SLC35E4: variants seen among roughly 807,000 people sequenced by gnomAD.
SLC35E4 encodes solute carrier family 35, member E4.
Under a neutral mutation model 19.3 loss-of-function variants are expected in SLC35E4, and 15 were observed. The ratio of observed to expected loss-of-function variants is 0.78; its 90% CI spans 0.52 to 1.20. The LOEUF is 1.20. Ranked by LOEUF, SLC35E4 falls within the 50% of genes most tolerant of loss-of-function variation. The pLI is 0.00. For missense variants in SLC35E4, 406 were observed against 472.3 expected, an observed-to-expected ratio of 0.86 and a Z score of 1.30; for synonymous variants, 219 against 219.9, an observed-to-expected ratio of 1.00 and a Z score of 0.04.
chr22:30,639,604 C>G (rs1367123495), intron 1 of SLC35E4, among the ~76,000 whole-genome samples: 1 of 152,120 alleles, frequency 6.6e-6, no homozygotes, highest in East Asian at 1.9e-4. Flanking sequence ...ATTTTAGAGG[C>G]CTACCCTCAG....
At position 30,636,844 on chromosome 22, in the gene SLC35E4, C is replaced by T. The variant is rs996041648; in HGVS notation, c.394C>T (p.Pro132Ser). ...ACGNVGLRAV[P>S]LDLAQLVTTT... ...CGGCAACGTGGGCCTAAGGGCTGTG[C>T]CCCTGGACCTGGCACAACTGGTTAC... Residue 132 changes from proline (P) to serine (S), a missense_variant, in exon 1 of 2, where the codon CCC becomes TCC. Pro to Ser is a moderately conservative substitution (Grantham distance 74). Coordinates refer to ENST00000343605, the MANE Select transcript of SLC35E4 (RefSeq NM_001001479.4). 1 of 1,612,956 alleles carries T rather than the reference C, an allele frequency of 6.2e-7. No homozygotes were observed. Among genetic ancestry groups the T allele is most frequent in the Non-Finnish European group, 8.5e-7 (1 of 1,179,552 alleles).
downstream of SLC35E4, chr22:30,663,370 G>C: frequency 6.9e-7 from 1 of 1,453,714 alleles, no homozygotes; most frequent in Non-Finnish European, 9.3e-7. Flanking sequence ...GTTCAAGTTT[G>C]GATCTTGGTG....
rs929955645 is a variant in SLC35E4 at position 30,636,655 on chromosome 22, T to A, written c.205T>A (p.Trp69Arg). Residue 69 changes from tryptophan (W) to arginine (R), a missense_variant, in exon 1 of 2, where the codon TGG (tryptophan) becomes AGG (arginine). Physicochemically the swap from Trp to Arg is moderately radical, Grantham distance 101 (BLOSUM62 -3). Coordinates refer to ENST00000343605, the MANE Select transcript of SLC35E4 (RefSeq NM_001001479.4). ...AGASMSSLNK[W>R]IFTVHGFGRP... ...AGCCAGCATGTCAAGCCTCAACAAGTGGATCTTCACAGTGCACGGCTTTGG... is the reference window on the plus strand; with the variant it reads ...AGCCAGCATGTCAAGCCTCAACAAGAGGATCTTCACAGTGCACGGCTTTGG... 1 of 1,612,044 alleles carries A rather than the reference T, an allele frequency of 6.2e-7. No individual in the cohort carries two copies. The highest frequency in any genetic ancestry group is 8.5e-7 in the Non-Finnish European group (1 of 1,179,320).
At chr22:30,641,229 A>T (rs536910830) in intron 1 of SLC35E4, among the ~76,000 whole-genome samples, 150 of 152,304 alleles carry the variant, frequency 9.8e-4, no homozygotes, top group African/African-American at 3.5e-3. Context: ...AGGAGGGGCA[A>T]TGGCCGGCCA....
At chr22:30,643,083 C>G (rs961991305) in intron 1 of SLC35E4, among the ~76,000 whole-genome samples, 1 of 151,530 alleles carries the variant, frequency 6.6e-6, no homozygotes, top group Non-Finnish European at 1.5e-5. Context: ...CAGCTGTTGG[C>G]AGGGCCAGCG....
rs531255546 is a variant in SLC35E4 at position 30,659,887 on chromosome 22, T to C, written c.*9-2173T>C. 2.6e-5 allele frequency among the ~76,000 whole-genome samples: 4 copies of C among 152,190 alleles called. No homozygotes were observed. In the South Asian group the frequency reaches 6.2e-4, roughly 24 times the overall value. ...ACTTAGATGTAACAGAAGGAAAAGTTAGAAGTATTTAAAGTGTGAGAAGAA... is the reference window on the plus strand; with the variant it reads ...ACTTAGATGTAACAGAAGGAAAAGTCAGAAGTATTTAAAGTGTGAGAAGAA... On this transcript the variant is annotated intron_variant, in intron 2 of 2. Coordinates refer to the SLC35E4 transcript ENST00000406566.
intron 1 of SLC35E4, among the ~76,000 whole-genome samples, chr22:30,640,431 G>A (rs1361426132): frequency 6.6e-6 from 1 of 152,092 alleles, no homozygotes; most frequent in Admixed American, 6.5e-5. Flanking sequence ...GAGGTCACGG[G>A]GTCCCTAATG....
chr22:30,652,567 GAAGC>G (rs1382460920), downstream of SLC35E4, among the ~76,000 whole-genome samples: 1 of 152,224 alleles, frequency 6.6e-6, no homozygotes, highest in Non-Finnish European at 1.5e-5. Context: ...TTGGAGATTA[GAAGC>G]AAGATGGAGT....
chr22:30,641,758 A>G (rs1278047096), intron 1 of SLC35E4, among the ~76,000 whole-genome samples: 1 of 127,834 alleles, frequency 7.8e-6, no homozygotes, highest in African/African-American at 3.0e-5. Context: ...AAACAGGCTC[A>G]CTATGTTGCC....
downstream of SLC35E4, chr22:30,665,666 T>A (rs529628590): frequency 2.6e-6 from 1 of 388,016 alleles, no homozygotes; most frequent in East Asian, 7.4e-5. Flanking sequence ...TAACACTTAC[T>A]GAAGACGTAG....
chr22:30,643,527 G>T (rs1158765759), intron 1 of SLC35E4, among the ~76,000 whole-genome samples: 1 of 152,154 alleles, frequency 6.6e-6, no homozygotes, highest in Non-Finnish European at 1.5e-5. Context: ...AGGGTGATCT[G>T]GGAATGGGAA....
At chr22:30,651,560 G>A (rs1367122914), downstream of SLC35E4, among the ~76,000 whole-genome samples, 2 of 149,036 alleles carry the variant, frequency 1.3e-5, no homozygotes, top group Non-Finnish European at 3.0e-5. Context: ...GATTACAGGC[G>A]TGAGCCACTG....
chr22:30,641,162 C>T (rs527822809), intron 1 of SLC35E4, among the ~76,000 whole-genome samples: 2 of 152,218 alleles, frequency 1.3e-5, no homozygotes, highest in Non-Finnish European at 2.9e-5. Context: ...CCCATGCTGC[C>T]CCTGCTGAGA....
downstream of SLC35E4, chr22:30,663,379 T>C: frequency 6.7e-7 from 1 of 1,493,928 alleles, no homozygotes; most frequent in Non-Finnish European, 9.1e-7. Context: ...TGGATCTTGG[T>C]GTAAGATCAA....
chr22:30,646,612 G>T lies in SLC35E4; in HGVS notation c.634G>T (p.Glu212Ter). The T allele has an allele frequency of 6.2e-7, 1 of 1,600,860 alleles. No individual in the cohort carries two copies. The change falls in exon 2 of 2, where the codon GAG (glutamate) becomes TAG (stop). Residue 212 changes from glutamate to a stop codon, truncating the protein, a stop_gained. Coordinates refer to ENST00000343605, the MANE Select transcript of SLC35E4 (RefSeq NM_001001479.4). LOFTEE classifies it high-confidence loss of function. ...TCCTGTTGCAGGTGCCCTGCTGCAG[G>T]AGGAGAGGCTGGACGCGGTGACCCT... ...KSVQQSALLQ[E>*]ERLDAVTLLY... is the part of the protein sequence containing the mutation.
chr22:30,664,090 G>A (rs2088569981), downstream of SLC35E4: 2 of 1,323,954 alleles, frequency 1.5e-6, no homozygotes, highest in African/African-American at 1.5e-5. Context: ...ACTGCAGAGA[G>A]GGAGAGGATG....
intron 1 of SLC35E4, among the ~76,000 whole-genome samples, chr22:30,642,625 C>T (rs1021507844): frequency 6.6e-6 from 1 of 151,462 alleles, no homozygotes; most frequent in African/African-American, 2.4e-5. Flanking sequence ...CCTGTCATCC[C>T]AGCTACTCGG....
At chr22:30,660,130 G>A (rs2088428053) in intron 2 of SLC35E4, among the ~76,000 whole-genome samples, 1 of 152,216 alleles carries the variant, frequency 6.6e-6, no homozygotes, top group African/African-American at 2.4e-5. Context: ...CGTATGAAAC[G>A]TGATTTGGAC....
intron 2 of SLC35E4, among the ~76,000 whole-genome samples, chr22:30,655,550 C>T (rs1319268524): frequency 6.6e-6 from 1 of 151,344 alleles, no homozygotes; most frequent in Non-Finnish European, 1.5e-5. Context: ...AATGTTTTGC[C>T]AAGGGCACGT....
Sources: gnomAD v4.1 joint callset for allele counts (sites outside exome capture counted in the v4.1 genomes callset) on GRCh38, gnomAD v4.1.1 for gene constraint, MANE v1.5 for transcripts, NCBI Gene and HGNC (gene_info 2026-07-23, HGNC 2026-07-21) for gene names.